The following VPS35 variants were observed in gnomAD, a reference collection of about 807,000 sequenced individuals.
The protein encoded by VPS35 is VPS35 retromer complex component, also known as vacuolar protein sorting-associated protein 35.
In VPS35, 21 loss-of-function variants were observed where a neutral mutation model predicts 98.1. The observed-to-expected ratio is 0.21, with a 90% CI of 0.15 to 0.31. The LOEUF is 0.31. VPS35 is among the 10% of genes least tolerant of loss of function. The pLI, the probability that VPS35 is intolerant of heterozygous loss-of-function variation, is 1.00. For synonymous variants in VPS35, 268 were observed against 318.2 expected (o/e 0.84, Z 1.68); for missense variants, 554 against 950.8 (o/e 0.58, Z 5.49).
At chr16:46,678,814 G>C in intron 6 of VPS35, 129 bp downstream of exon 6, 2 of 909,994 alleles carry the variant, frequency 2.2e-6, no homozygotes, top group South Asian at 1.7e-5. Flanking sequence ...TTCCGTTTAA[G>C]TCTTCTTCAA....
At chr16:46,681,322 G>A (rs373254993) in intron 4 of VPS35, 55 bp downstream of exon 4, 34 of 1,607,678 alleles carry the variant, frequency 2.1e-5, no homozygotes, top group African/African-American at 2.7e-5. Context: ...CATAAAAGAC[G>A]TAACATATAG....
intron 6 of VPS35, among the ~76,000 whole-genome samples, chr16:46,677,998 C>T (rs1256978540): frequency 6.6e-6 from 1 of 152,100 alleles, no homozygotes; most frequent in Non-Finnish European, 1.5e-5. Flanking sequence ...TATAAACATC[C>T]AATTGTTCCA....
intron 8 of VPS35, 58 bp downstream of exon 8, chr16:46,676,525 T>C: frequency 9.3e-7 from 1 of 1,077,758 alleles, no homozygotes; most frequent in Non-Finnish European, 1.4e-6. Flanking sequence ...CAAAAAAATG[T>C]TTAAAATTCA....
At position 46,670,136 on chromosome 16, in the gene VPS35, T is replaced by C. The variant is rs1039155725; in HGVS notation, c.1525-1084A>G. 2.6e-5 allele frequency among the ~76,000 whole-genome samples: 4 copies of C among 152,220 alleles called. No homozygotes were observed. The East Asian group carries it at 5.8e-4, about 22-fold the overall frequency. ...CACAGAGTTTATAAAATATTTTTAGTATATGTGACACAATGGCATTCAGGT... is the reference window on the plus strand; with the variant it reads ...CACAGAGTTTATAAAATATTTTTAGCATATGTGACACAATGGCATTCAGGT... On this transcript the variant is annotated intron_variant, in intron 12 of 16. Transcript: ENST00000299138.
chr16:46,683,363 T>C (rs1330080561), intron 2 of VPS35, 145 bp downstream of exon 2: 3 of 768,338 alleles, frequency 3.9e-6, no homozygotes, highest in African/African-American at 3.4e-5. Context: ...CTCCACAAAG[T>C]GCTTGAGGGA....
In VPS35 at chr16:46,660,820, C is replaced by CAAAAA. The variant is rs33973421; in HGVS notation, c.2212-174_2212-170dup. ...CCTAGTTTGAACAATTACTGACTAT[C>CAAAAA]AAAAAAAAAAAAAAAAAAACAACCC... On this transcript the variant is annotated intron_variant, in intron 16 of 16. Coordinates refer to ENST00000299138, the MANE Select transcript of VPS35 (RefSeq NM_018206.6). The CAAAAA allele has an allele frequency of 9.7e-3, 3,248 of 334,162 alleles. 41 individuals are homozygous for CAAAAA. Among genetic ancestry groups the CAAAAA allele is most frequent in the South Asian group, 0.015 (668 of 44,560 alleles). 20.7% of individuals were successfully genotyped at this position (334,162 alleles called of 1,614,324 possible).
intron 8 of VPS35, 115 bp downstream of exon 8, chr16:46,676,463 TAATTA>T: frequency 1.4e-6 from 1 of 727,796 alleles, no homozygotes; most frequent in Non-Finnish European, 2.4e-6. Context: ...ATTTATAGTA[TAATTA>T]AATTAAGATC....
Position 46,666,291 on chromosome 16 carries a change from G to A in VPS35, c.1647+2639C>T, listed in dbSNP as rs1288739541. 3.5e-5 allele frequency among the ~76,000 whole-genome samples: 5 copies of A among 144,728 alleles called. No homozygotes were observed. In the East Asian group the frequency reaches 6.2e-4, roughly 18 times the overall value. The allele number at this position is 144,728 out of a possible 152,430, so 94.9% of individuals were successfully genotyped here. On this transcript the variant is annotated intron_variant, in intron 13 of 16. Coordinates refer to ENST00000299138, the MANE Select transcript of VPS35 (RefSeq NM_018206.6). ...TAATTTTTTTTTTTTTTTTTTAGAC[G>A]GAGTTTCACTCTTGTTGCCCAGGCT...
Position 46,662,979 on chromosome 16 carries a change from T to C in VPS35, c.1827+4A>G, listed in dbSNP as rs763261143. On this transcript the variant is annotated splice_donor_region_variant and intron_variant, in intron 14 of 16. Coordinates refer to ENST00000299138, the MANE Select transcript of VPS35 (RefSeq NM_018206.6). The stretch of plus-strand genomic sequence containing the variant: ...ATGACAACGCAGAAAGAACAGATCA[T>C]CACCTGGGACATGAATTCATATGCG... 6.2e-7 allele frequency: 1 copy of C among 1,614,188 alleles called. No homozygotes were observed.
chr16:46,678,516 T>G (rs1966185873), intron 6 of VPS35, among the ~76,000 whole-genome samples: 2 of 152,212 alleles, frequency 1.3e-5, no homozygotes, highest in African/African-American at 4.8e-5. Flanking sequence ...TCCATTGATT[T>G]GTGTGTCTAT....
intron 11 of VPS35, 41 bp from the exon 12 acceptor site, chr16:46,671,901 C>T (rs1412509394): frequency 1.2e-6 from 2 of 1,610,134 alleles, no homozygotes; most frequent in South Asian, 1.1e-5. Context: ...GAGGTGAAAC[C>T]ATTGGCATAC....
At chr16:46,671,995 T>C (rs1162377612) in intron 11 of VPS35, 135 bp from the exon 12 acceptor site, 4 of 1,227,346 alleles carry the variant, frequency 3.3e-6, no homozygotes, top group Middle Eastern at 2.7e-4. Flanking sequence ...AGAAAGTCGA[T>C]ACACATGTAT....
chr16:46,660,244 G>T lies in VPS35; in HGVS notation c.*228C>A. 4.8e-6 allele frequency: 1 copy of T among 209,886 alleles called. No homozygotes were observed. Among genetic ancestry groups the T allele is most frequent in the Non-Finnish European group, 8.6e-6 (1 of 116,126 alleles). The allele number at this position is 209,886 out of a possible 1,614,324, so 13.0% of individuals were successfully genotyped here. ...CACAGGAATTTTAAATTGCAGATCA[G>T]TCATGCTACTTGGGGTGATCAGAAA... On this transcript the variant is annotated 3_prime_UTR_variant, in exon 17 of 17. Transcript: ENST00000299138.
At chr16:46,685,124 C>T (rs1239662908) in intron 1 of VPS35, among the ~76,000 whole-genome samples, 1 of 152,122 alleles carries the variant, frequency 6.6e-6, no homozygotes, top group Non-Finnish European at 1.5e-5. Context: ...ATACTAAATG[C>T]CACTTTATAA....
At chr16:46,688,400 T>G in intron 1 of VPS35, 2 of 987,092 alleles carry the variant, frequency 2.0e-6, no homozygotes, top group Non-Finnish European at 2.4e-6. Context: ...GCTGCCGTCA[T>G]AGACGGGCCC....
chr16:46,671,874 G>C lies in VPS35; in HGVS notation c.1369-14C>G, dbSNP rs1966075185. The C allele has an allele frequency of 6.2e-7, 1 of 1,611,892 alleles. No homozygotes were observed. Among genetic ancestry groups the C allele is most frequent in the Non-Finnish European group, 8.5e-7 (1 of 1,179,830 alleles). ...TATGGAATCCACCTGTAACATGCGA[G>C]GCACAAGAAACCCACTGAGGTGAAA... On this transcript the variant is annotated splice_polypyrimidine_tract_variant and intron_variant, in intron 11 of 16. Coordinates refer to ENST00000299138, the MANE Select transcript of VPS35 (RefSeq NM_018206.6).
rs1965854122 is a variant in VPS35, at chr16:46,657,699, TC to T, written c.*2772del. 1 of 152,070 alleles carries T rather than the reference TC, an allele frequency of 6.6e-6. No homozygotes were observed. The highest frequency in any genetic ancestry group is 2.1e-4 in the South Asian group (1 of 4,820). The allele number at this position is 152,070 out of a possible 1,614,324, so 9.4% of individuals were successfully genotyped here. ...CATGAATTTCTAGGCAAAGAAGGGA[TC>T]ATCTGGACTCTAAGAATCACTGGTT... On this transcript the variant is annotated 3_prime_UTR_variant, in exon 17 of 17. Transcript: ENST00000299138.
intron 16 of VPS35, 168 bp from the exon 17 acceptor site, chr16:46,660,819 T>TAAAA (rs1187337412): frequency 4.5e-5 from 6 of 132,740 alleles, no homozygotes; most frequent in African/African-American, 1.5e-4. Flanking sequence ...TTACTGACTA[T>TAAAA]CAAAAAAAAA....
chr16:46,673,234 TAGC>T (rs1449580514), intron 10 of VPS35, among the ~76,000 whole-genome samples: 6 of 152,276 alleles, frequency 3.9e-5, no homozygotes, highest in African/African-American at 1.4e-4. Context: ...GCCTCCTGAA[TAGC>T]TGGGATTACA....
Sources: allele counts gnomAD v4.1 joint callset (sites outside exome capture counted in the v4.1 genomes callset), GRCh38; gene constraint gnomAD v4.1.1; transcripts MANE v1.5; gene names NCBI Gene and HGNC (gene_info 2026-07-23, HGNC 2026-07-21).